CTBP2: variants seen among roughly 807,000 people sequenced by gnomAD.
The protein encoded by CTBP2 is C-terminal-binding protein 2.
A neutral mutation model predicts 80.3 loss-of-function variants in CTBP2; 30 were observed. The ratio of observed to expected loss-of-function variants is 0.37; its 90% CI spans 0.28 to 0.51. CTBP2 has a LOEUF of 0.51. CTBP2 is among the 20% of genes least tolerant of loss of function. The probability of loss-of-function intolerance (pLI) is 0.93; values close to 1 mark genes in which losing one functional copy is unlikely to be tolerated. For synonymous variants in CTBP2, 594 were observed against 587.4 expected (o/e 1.01, Z -0.16); for missense variants, 1,212 against 1,375.3 (o/e 0.88, Z 1.88).
At chr10:125,017,290 G>A (rs559541284) in intron 1 of CTBP2, among the ~76,000 whole-genome samples, 18 of 152,198 alleles carry the variant, frequency 1.2e-4, no homozygotes, top group Non-Finnish European at 2.1e-4. Flanking sequence ...GCAAACCAGC[G>A]CTGATGCCGC....
intron 3 of CTBP2, chr10:124,999,265 T>A (rs1468641812): frequency 6.6e-6 from 1 of 152,244 alleles, no homozygotes; most frequent in East Asian, 1.9e-4. Flanking sequence ...TAATCCCAGC[T>A]TTGGGACCCT....
chr10:124,997,542 T>G, intron 4 of CTBP2: 1 of 188,448 alleles, frequency 5.3e-6, no homozygotes, highest in Non-Finnish European at 1.1e-5. Flanking sequence ...CCTTCAGGAG[T>G]GAGGCCATGT....
intron 2 of CTBP2, among the ~76,000 whole-genome samples, chr10:125,086,644 C>T (rs548337429): frequency 7.0e-5 from 10 of 143,848 alleles, no homozygotes; most frequent in African/African-American, 2.3e-4. Flanking sequence ...AAAGGAAGAT[C>T]TCATTTGACC....
chr10:125,111,510 G>A (rs1253489590), intron 1 of CTBP2, among the ~76,000 whole-genome samples: 1 of 152,248 alleles, frequency 6.6e-6, no homozygotes, highest in African/African-American at 2.4e-5. Flanking sequence ...CGGTTTATAA[G>A]TGCTATTAGC....
chr10:124,992,686 T>C lies in CTBP2; in HGVS notation c.2777+9A>G, dbSNP rs1427084809. 1 of 1,595,384 alleles carries C rather than the reference T, an allele frequency of 6.3e-7. No individual in the cohort carries two copies. On this transcript the variant is annotated intron_variant, in intron 8 of 8. Coordinates refer to ENST00000309035, the MANE Select transcript of CTBP2 (RefSeq NM_022802.3). ...CACAAGCTGAGACAAAGTCAGTTCC[T>C]TTTCTCACCTGTATGTGGCACCATT...
At chr10:125,019,371 T>C (rs1956831352) in intron 1 of CTBP2, among the ~76,000 whole-genome samples, 2 of 152,154 alleles carry the variant, frequency 1.3e-5, no homozygotes, top group Admixed American at 6.6e-5. Context: ...AAGGAATCTG[T>C]GAAAAAGCTT....
At chr10:125,038,457 A>G (rs1959112114) in intron 3 of CTBP2, among the ~76,000 whole-genome samples, 2 of 152,116 alleles carry the variant, frequency 1.3e-5, no homozygotes, top group African/African-American at 4.8e-5. Context: ...GTGCTTAATC[A>G]ACACTTCAGA....
In CTBP2 at chr10:124,984,920, C is replaced by T. The variant is rs1451818098; in HGVS notation, c.*4598G>A. The T allele has an allele frequency of 4.3e-6, 7 of 1,613,822 alleles. No homozygotes were observed. Among genetic ancestry groups the T allele is most frequent in the Middle Eastern group, 1.6e-4 (1 of 6,062 alleles). On this transcript the variant is annotated 3_prime_UTR_variant, in exon 9 of 9. Transcript: ENST00000309035. Reference sequence around the variant, plus strand: ...CTCAGATGGTAGAAAAATGGCTTGACCGCTACCGACAGATCCGGCCGTGTA... The same window carrying T: ...CTCAGATGGTAGAAAAATGGCTTGATCGCTACCGACAGATCCGGCCGTGTA...
Position 125,027,855 on chromosome 10 carries a change from C to T in CTBP2, c.-96G>A, listed in dbSNP as rs1231779448. 10 of 1,431,450 alleles carry T rather than the reference C, an allele frequency of 7.0e-6. No homozygotes were observed. The highest frequency in any genetic ancestry group is 1.5e-5 in the South Asian group (1 of 66,048). 88.7% of individuals were successfully genotyped at this position (1,431,450 alleles called of 1,614,324 possible). ...AAAACAGACCTGGCTGTGTGCTAAC[C>T]CTTCCGAGACGGCAGGGACAACCAA... On this transcript the variant is annotated 5_prime_UTR_variant, in exon 1 of 9. Transcript: ENST00000309035.
At chr10:125,125,970 C>T (rs562695130) in intron 1 of CTBP2, among the ~76,000 whole-genome samples, 8 of 152,302 alleles carry the variant, frequency 5.3e-5, no homozygotes, top group African/African-American at 7.2e-5. Context: ...GCTGAGCATT[C>T]GAGAAACCAA....
At chr10:124,997,877 G>A in intron 4 of CTBP2, 87 bp downstream of exon 6, 1 of 1,417,108 alleles carries the variant, frequency 7.1e-7, no homozygotes, top group Non-Finnish European at 9.6e-7. Flanking sequence ...CTCAAGAGCA[G>A]GCTGGGGTTG....
At chr10:125,078,309 A>G (rs1353719323) in intron 2 of CTBP2, among the ~76,000 whole-genome samples, 4 of 149,152 alleles carry the variant, frequency 2.7e-5, no homozygotes, top group Non-Finnish European at 5.9e-5. Context: ...AACCTTTCTC[A>G]TGGGAGGATG....
intron 1 of CTBP2, among the ~76,000 whole-genome samples, chr10:125,013,809 C>G (rs1289199652): frequency 6.6e-6 from 1 of 152,202 alleles, no homozygotes; most frequent in Non-Finnish European, 1.5e-5. Context: ...TGCAAACCAC[C>G]TGCTGGATTG....
At chr10:125,159,418 C>A (rs1345166500) in intron 1 of CTBP2, among the ~76,000 whole-genome samples, 2 of 145,196 alleles carry the variant, frequency 1.4e-5, no homozygotes, top group African/African-American at 2.5e-5. Context: ...GCCCGGCCCC[C>A]GCCCGCGCCC....
At chr10:125,071,347 AAAT>A (rs772621724) in intron 2 of CTBP2, among the ~76,000 whole-genome samples, 4 of 152,246 alleles carry the variant, frequency 2.6e-5, no homozygotes, top group Non-Finnish European at 4.4e-5. Context: ...AAAAACCAGG[AAAT>A]ATTAATAAAA....
chr10:125,049,427 C>G (rs999352825), intron 2 of CTBP2, among the ~76,000 whole-genome samples: 3 of 152,214 alleles, frequency 2.0e-5, no homozygotes, highest in Non-Finnish European at 2.9e-5. Context: ...GGGGAGCCCC[C>G]ACCTGAGCTC....
chr10:125,050,355 A>G (rs1962420726), intron 2 of CTBP2, among the ~76,000 whole-genome samples: 1 of 152,270 alleles, frequency 6.6e-6, no homozygotes, highest in African/African-American at 2.4e-5. Context: ...CCTGAGTCAT[A>G]AAGAGAAAAA....
chr10:125,049,655 A>G (rs946412909), intron 2 of CTBP2, among the ~76,000 whole-genome samples: 1 of 152,184 alleles, frequency 6.6e-6, no homozygotes, highest in Non-Finnish European at 1.5e-5. Flanking sequence ...GGCATGGTCG[A>G]AGATGGTGGG....
intron 2 of CTBP2, among the ~76,000 whole-genome samples, chr10:125,071,287 C>T (rs910456580): frequency 5.9e-5 from 9 of 152,228 alleles, no homozygotes; most frequent in African/African-American, 1.2e-4. Flanking sequence ...GGCCACTGGA[C>T]GGCCCTTGGC....
Sources: gnomAD v4.1 joint callset for allele counts (sites outside exome capture counted in the v4.1 genomes callset) on GRCh38, gnomAD v4.1.1 for gene constraint, MANE v1.5 for transcripts, NCBI Gene and HGNC (gene_info 2026-07-23, HGNC 2026-07-21) for gene names.